FIGN: variants seen among roughly 807,000 people sequenced by gnomAD.
The protein encoded by FIGN is fidgetin, microtubule severing factor.
In FIGN, 11 loss-of-function variants were observed where a neutral mutation model predicts 51.3. The observed-to-expected ratio is 0.21, with a 90% CI of 0.13 to 0.35. FIGN has a LOEUF of 0.35. Ranked by LOEUF, FIGN falls within the 10% of genes least tolerant of loss-of-function variation. The pLI, the probability that FIGN is intolerant of heterozygous loss-of-function variation, is 1.00. For synonymous variants in FIGN, 407 were observed against 363.2 expected, an observed-to-expected ratio of 1.12 and a Z score of -1.37; for missense variants, 857 against 943.6, an observed-to-expected ratio of 0.91 and a Z score of 1.20.
chr2:163,646,069 G>A (rs974881355), intron 2 of FIGN, among the ~76,000 whole-genome samples: 2 of 152,100 alleles, frequency 1.3e-5, no homozygotes, highest in Non-Finnish European at 2.9e-5. Context: ...AAATAAATAT[G>A]TAATGATGCC....
At chr2:163,671,479 C>A (rs1683874807) in intron 2 of FIGN, among the ~76,000 whole-genome samples, 2 of 152,264 alleles carry the variant, frequency 1.3e-5, no homozygotes, top group South Asian at 4.1e-4. Context: ...CTACGCTATC[C>A]TTTGCCTCCT....
chr2:163,663,977 TA>T (rs893900418), intron 2 of FIGN, among the ~76,000 whole-genome samples: 9 of 152,296 alleles, frequency 5.9e-5, no homozygotes, highest in African/African-American at 2.2e-4. Flanking sequence ...GTTTAAAGAC[TA>T]AACACAACTT....
chr2:163,710,905 C>T lies in FIGN; in HGVS notation c.25+23998G>A, dbSNP rs144429859. ...CAAGATTACACAGAGTCAGTGTTCA[C>T]CTGTACACAATGGCTTGTCTGACTG... On this transcript the variant is annotated intron_variant, in intron 2 of 2. Transcript: ENST00000333129. Among the ~76,000 whole-genome samples, 12 of 152,260 alleles carry T rather than the reference C, an allele frequency of 7.9e-5. No individual in the cohort carries two copies. In the East Asian group the frequency reaches 2.3e-3, roughly 29 times the overall value.
Position 163,611,065 on chromosome 2 carries a change from G to T in FIGN, c.767C>A (p.Thr256Asn). ...AGGGCTGTACCCAGACCCCACAGCA[G>T]TCTGAGGAGGATAGCTAGCAGACGG... is the stretch of plus-strand genomic sequence containing the variant. ...SYPSASYPPQ[T>N]AVGSGYSPGG... The change falls in exon 3 of 3, where the codon ACT (threonine) becomes AAT (asparagine). Residue 256 changes from threonine to asparagine, a missense_variant. This residue lies in a region of FIGN where 799 missense variants were observed against 849.5 expected (regional missense o/e 0.94). Transcript: ENST00000333129. 6.2e-7 allele frequency: 1 copy of T among 1,614,072 alleles called. No individual in the cohort carries two copies.
chr2:163,731,638 C>T (rs1490455185), intron 2 of FIGN, among the ~76,000 whole-genome samples: 1 of 151,592 alleles, frequency 6.6e-6, no homozygotes, highest in Non-Finnish European at 1.5e-5. Flanking sequence ...TATTTTCACT[C>T]AGAAGATATC....
At chr2:163,627,075 C>T (rs938883837) in intron 2 of FIGN, among the ~76,000 whole-genome samples, 1 of 152,166 alleles carries the variant, frequency 6.6e-6, no homozygotes, top group Non-Finnish European at 1.5e-5. Flanking sequence ...CAAGAAATGA[C>T]TATAAGTATA....
At chr2:163,684,935 G>A (rs1189640373) in intron 2 of FIGN, among the ~76,000 whole-genome samples, 1 of 143,940 alleles carries the variant, frequency 6.9e-6, no homozygotes, top group Admixed American at 6.8e-5. Context: ...CACCATGCCT[G>A]GCTATTTTTT....
At chr2:163,612,770 T>A (rs977655195) in intron 2 of FIGN, among the ~76,000 whole-genome samples, 1 of 134,572 alleles carries the variant, frequency 7.4e-6, no homozygotes, top group African/African-American at 2.9e-5. Flanking sequence ...ATATATATAT[T>A]ATATATGAGA....
chr2:163,644,042 A>G (rs1234492341), intron 2 of FIGN, among the ~76,000 whole-genome samples: 1 of 150,760 alleles, frequency 6.6e-6, no homozygotes, highest in Admixed American at 6.6e-5. Context: ...GGATTTGGCG[A>G]AGAATTCTTA....
Position 163,609,176 on chromosome 2 carries a change from A to C in FIGN, c.*376T>G. The C allele has an allele frequency of 5.2e-6, 1 of 191,428 alleles. No individual in the cohort carries two copies. The highest frequency in any genetic ancestry group is 1.5e-4 in the South Asian group (1 of 6,698). The allele number at this position is 191,428 out of a possible 1,614,324, so 11.9% of individuals were successfully genotyped here. A position where few individuals can be genotyped will look rare whatever the true frequency, so the allele number is the denominator to read the frequency against. On this transcript the variant is annotated 3_prime_UTR_variant, in exon 3 of 3. Transcript: ENST00000333129. ...TGCCACCAATGTAATTGTGAGGCAA[A>C]CAAAAAATAAAGCACCACTCCAGGC... is the stretch of plus-strand genomic sequence containing the variant.
Position 163,729,170 on chromosome 2 carries a change from G to A in FIGN, c.25+5733C>T, listed in dbSNP as rs372262548. Among the ~76,000 whole-genome samples the A allele has an allele frequency of 2.0e-5, 3 of 152,158 alleles. No individual in the cohort carries two copies. The East Asian group carries it at 5.8e-4, about 29-fold the overall frequency. The stretch of plus-strand genomic sequence containing the variant: ...GCATCCAGTTGACATAAGGCAAACA[G>A]TTGAATTGGGAAAAACAAAATAGGT... On this transcript the variant is annotated intron_variant, in intron 2 of 2. Coordinates refer to ENST00000333129, the MANE Select transcript of FIGN (RefSeq NM_018086.4).
At chr2:163,733,791 A>C (rs1371160865) in intron 2 of FIGN, among the ~76,000 whole-genome samples, 2 of 152,144 alleles carry the variant, frequency 1.3e-5, no homozygotes, top group South Asian at 2.1e-4. Flanking sequence ...CTTCGTATTC[A>C]CATTTGTGTT....
At chr2:163,714,585 T>A (rs1317534874) in intron 2 of FIGN, among the ~76,000 whole-genome samples, 1 of 152,218 alleles carries the variant, frequency 6.6e-6, no homozygotes, top group African/African-American at 2.4e-5. Flanking sequence ...CTAGACCAAT[T>A]ACCTGGATTA....
At chr2:163,612,704 G>T in intron 2 of FIGN, 1 of 442,728 alleles carries the variant, frequency 2.3e-6, no homozygotes, top group Non-Finnish European at 3.0e-6. Flanking sequence ...GTGTGTGTGT[G>T]TGTGTGTGTG....
At chr2:163,713,912 G>A (rs1684627115) in intron 2 of FIGN, among the ~76,000 whole-genome samples, 1 of 152,164 alleles carries the variant, frequency 6.6e-6, no homozygotes, top group African/African-American at 2.4e-5. Flanking sequence ...TGATTAGATT[G>A]TGCCATGCAA....
chr2:163,652,786 C>T (rs974113409), intron 2 of FIGN, among the ~76,000 whole-genome samples: 6 of 151,878 alleles, frequency 4.0e-5, no homozygotes, highest in African/African-American at 1.5e-4. Flanking sequence ...CCCTGGTTTC[C>T]GTCCAAAAAA....
chr2:163,656,380 G>T (rs192733867), intron 2 of FIGN, among the ~76,000 whole-genome samples: 1 of 152,092 alleles, frequency 6.6e-6, no homozygotes, highest in Non-Finnish European at 1.5e-5. Context: ...TGGTCATAAC[G>T]AAACAGTGAG....
At chr2:163,732,457 T>C (rs58232177) in intron 2 of FIGN, among the ~76,000 whole-genome samples, 29,716 of 152,114 alleles carry the variant, frequency 0.2, 3,185 homozygotes, top group East Asian at 0.37. Context: ...AACTCTTGAC[T>C]CTCTACATAT....
Position 163,607,017 on chromosome 2 carries a change from A to C in FIGN, c.*2535T>G, listed in dbSNP as rs932545813. 1.9e-4 allele frequency: 29 copies of C among 152,338 alleles called. No individual in the cohort carries two copies. Among genetic ancestry groups the C allele is most frequent in the African/African-American group, 6.5e-4 (27 of 41,586 alleles). The allele number at this position is 152,338 out of a possible 1,614,324, so 9.4% of individuals were successfully genotyped here. On this transcript the variant is annotated 3_prime_UTR_variant, in exon 3 of 3. Coordinates refer to ENST00000333129, the MANE Select transcript of FIGN (RefSeq NM_018086.4). Reference sequence around the variant, plus strand: ...TAGTGCAGTCATATATTTGGCATTAAATCTTACTAGCCACAAAAAAATGTG... The same window carrying C: ...TAGTGCAGTCATATATTTGGCATTACATCTTACTAGCCACAAAAAAATGTG...
Sources: allele counts gnomAD v4.1 joint callset (sites outside exome capture counted in the v4.1 genomes callset), GRCh38; gene constraint gnomAD v4.1.1; regional missense constraint gnomAD v4.1.1; transcripts MANE v1.5; gene names NCBI Gene and HGNC (gene_info 2026-07-23, HGNC 2026-07-21).